The following EPHA5 variants were observed in gnomAD, a reference collection of about 807,000 sequenced individuals.
EPHA5 encodes ephrin type-A receptor 5.
In EPHA5, 60 loss-of-function variants were observed where a neutral mutation model predicts 105.0. That is an observed-to-expected ratio of 0.57 (90% CI 0.46 to 0.71). EPHA5 has a LOEUF of 0.71. Among genes scored for constraint, EPHA5 ranks in the 30% least tolerant of loss-of-function variants. EPHA5 has a pLI of 0.00. For synonymous variants in EPHA5, 513 were observed against 449.1 expected (o/e 1.14, Z -1.80); for missense variants, 1,218 against 1,274.7 (o/e 0.96, Z 0.68).
chr4:65,639,301 A>C (rs763615050), intron 2 of EPHA5, among the ~76,000 whole-genome samples: 15 of 152,148 alleles, frequency 9.9e-5, no homozygotes, highest in Non-Finnish European at 5.9e-5. Context: ...AGTTGCACAG[A>C]TTTTACTTAT....
intron 3 of EPHA5, among the ~76,000 whole-genome samples, chr4:65,576,217 G>A (rs780535959): frequency 3.3e-5 from 5 of 152,026 alleles, no homozygotes; most frequent in African/African-American, 9.7e-5. Flanking sequence ...AATTGATCAA[G>A]GGTATGCATG....
At chr4:65,499,917 C>T (rs1056113641) in intron 3 of EPHA5, among the ~76,000 whole-genome samples, 15 of 150,558 alleles carry the variant, frequency 1.0e-4, no homozygotes, top group Non-Finnish European at 1.9e-4. Context: ...AGATATAATT[C>T]GTTTTTTGAG....
intron 1 of EPHA5, among the ~76,000 whole-genome samples, chr4:65,665,882 A>T (rs1749925251): frequency 6.6e-6 from 1 of 152,194 alleles, no homozygotes; most frequent in Non-Finnish European, 1.5e-5. Context: ...AATAGGGGTA[A>T]TAGCTCTCTT....
At chr4:65,464,268 A>G (rs796704168) in intron 5 of EPHA5, among the ~76,000 whole-genome samples, 2 of 152,020 alleles carry the variant, frequency 1.3e-5, no homozygotes, top group East Asian at 3.9e-4. Flanking sequence ...TCCCATATGT[A>G]GCTTGTTTTC....
In EPHA5 at chr4:65,669,756, C is replaced by T. The variant is rs867289374; in HGVS notation, c.-14G>A. 7 of 1,251,624 alleles carry T rather than the reference C, an allele frequency of 5.6e-6. No individual in the cohort carries two copies. The highest frequency in any genetic ancestry group is 6.0e-6 in the Non-Finnish European group (6 of 997,578). 77.5% of individuals were successfully genotyped at this position (1,251,624 alleles called of 1,614,324 possible). On this transcript the variant is annotated 5_prime_UTR_variant, in exon 1 of 17. Coordinates refer to ENST00000613740, the MANE Select transcript of EPHA5 (RefSeq NM_001281766.3). ...CGAGCCCCGCATCTTCTCCGAGCCT[C>T]CTCCGGTGCCGCTGTCCCGAGCGGC...
rs538889225 is a variant in EPHA5, at chr4:65,351,655, T to A, written c.2236-57A>T. 3.0e-5 allele frequency: 45 copies of A among 1,492,136 alleles called. No homozygotes were observed. In the African/African-American group the frequency reaches 5.3e-4, roughly 17 times the overall value. 92.4% of individuals were successfully genotyped at this position (1,492,136 alleles called of 1,614,324 possible). A position where few individuals can be genotyped will look rare whatever the true frequency, so the allele number is the denominator to read the frequency against. On this transcript the variant is annotated intron_variant, in intron 12 of 16. Coordinates refer to ENST00000613740, the MANE Select transcript of EPHA5 (RefSeq NM_001281766.3). ...CAACACCAATCACTGGGGGAAAATA[T>A]GAGAGGTCTGTATTCAATCCCCCAA...
chr4:65,470,101 A>G (rs1363460234), intron 5 of EPHA5, among the ~76,000 whole-genome samples: 1 of 152,146 alleles, frequency 6.6e-6, no homozygotes, highest in East Asian at 1.9e-4. Flanking sequence ...GTTAGTCTTT[A>G]TAATAAAGTT....
chr4:65,557,951 C>A (rs920447867), intron 3 of EPHA5, among the ~76,000 whole-genome samples: 5 of 151,806 alleles, frequency 3.3e-5, no homozygotes, highest in African/African-American at 1.2e-4. Flanking sequence ...CAGCTCACTG[C>A]AACTTCCCTC....
At chr4:65,373,775 C>T (rs148452843) in intron 8 of EPHA5, among the ~76,000 whole-genome samples, 78 of 151,948 alleles carry the variant, frequency 5.1e-4, no homozygotes, top group East Asian at 1.7e-3. Flanking sequence ...TTTAACATCT[C>T]TATTTTCAAA....
chr4:65,643,500 T>C, intron 1 of EPHA5, 73 bp from the exon 2 acceptor site: 1 of 1,223,366 alleles, frequency 8.2e-7, no homozygotes. Context: ...TTTAATAGTG[T>C]TATTAAAATT....
chr4:65,411,046 T>C (rs2149008983), intron 7 of EPHA5, among the ~76,000 whole-genome samples: 1 of 152,220 alleles, frequency 6.6e-6, no homozygotes, highest in African/African-American at 2.4e-5. Flanking sequence ...TTGTTTTGTT[T>C]TGTTTTGTTT....
At chr4:65,403,329 T>C (rs769601325) in intron 8 of EPHA5, among the ~76,000 whole-genome samples, 9 of 152,094 alleles carry the variant, frequency 5.9e-5, no homozygotes, top group Non-Finnish European at 1.2e-4. Flanking sequence ...AGTAAATGAG[T>C]AGAACGGTAA....
chr4:65,619,523 G>A (rs1180954050), intron 2 of EPHA5, among the ~76,000 whole-genome samples: 1 of 151,920 alleles, frequency 6.6e-6, no homozygotes, highest in African/African-American at 2.4e-5. Flanking sequence ...CCTGTATATT[G>A]ACATTAAACA....
intron 14 of EPHA5, among the ~76,000 whole-genome samples, chr4:65,343,109 TAA>T (rs1721890093): frequency 6.6e-6 from 1 of 152,150 alleles, no homozygotes; most frequent in Non-Finnish European, 1.5e-5. Context: ...GCAATAAATA[TAA>T]GAGAAAGACC....
intron 6 of EPHA5, 114 bp from the exon 7 acceptor site, chr4:65,414,557 A>G: frequency 9.0e-7 from 1 of 1,109,514 alleles, no homozygotes; most frequent in East Asian, 2.5e-5. Context: ...CTCTATTAGT[A>G]CAAATATAAC....
Position 65,351,605 on chromosome 4 carries a change from A to C in EPHA5, c.2236-7T>G, listed in dbSNP as rs1391633551. On this transcript the variant is annotated splice_region_variant and splice_polypyrimidine_tract_variant and intron_variant, in intron 12 of 16. Transcript: ENST00000613740. ...TGAACTGCCCATCGTTTTTCTGTAA[A>C]GACAATGTAGAAATATTAGTCTAGC... 1.2e-6 allele frequency: 2 copies of C among 1,612,788 alleles called. No individual in the cohort carries two copies. The highest frequency in any genetic ancestry group is 2.2e-5 in the South Asian group (2 of 91,042).
chr4:65,472,513 T>G (rs1306643925), intron 5 of EPHA5, among the ~76,000 whole-genome samples: 2 of 152,186 alleles, frequency 1.3e-5, no homozygotes, highest in African/African-American at 4.8e-5. Context: ...GAAGTTTCCA[T>G]ACATCCTCTG....
At position 65,323,953 on chromosome 4, in the gene EPHA5, T is replaced by C. The variant is rs1719837181; in HGVS notation, c.*161A>G. On this transcript the variant is annotated 3_prime_UTR_variant, in exon 17 of 17. Transcript: ENST00000613740. The stretch of plus-strand genomic sequence containing the variant: ...AGACTAAGGACTAAGAACTGGATAC[T>C]TCAGTAAAACCATGATTACAAATTC... 9.2e-6 allele frequency: 5 copies of C among 544,250 alleles called. No individual in the cohort carries two copies. Among genetic ancestry groups the C allele is most frequent in the South Asian group, 6.9e-5 (3 of 43,450 alleles). The allele number at this position is 544,250 out of a possible 1,614,324, so 33.7% of individuals were successfully genotyped here.
chr4:65,449,912 G>A (rs751514420), intron 5 of EPHA5, among the ~76,000 whole-genome samples: 9 of 151,808 alleles, frequency 5.9e-5, no homozygotes, highest in Non-Finnish European at 1.2e-4. Flanking sequence ...GAGAGATCAG[G>A]GCTCTGTCTA....
Sources: gnomAD v4.1 joint callset for allele counts (sites outside exome capture counted in the v4.1 genomes callset) on GRCh38, gnomAD v4.1.1 for gene constraint, MANE v1.5 for transcripts, NCBI Gene and HGNC (gene_info 2026-07-23, HGNC 2026-07-21) for gene names.